The following RALGAPA1 variants were observed in gnomAD, a reference collection of about 807,000 sequenced individuals.
RALGAPA1 encodes ral GTPase-activating protein subunit alpha-1.
RALGAPA1 carries 52 observed loss-of-function variants against 269.6 expected under a neutral mutation model. That is an observed-to-expected ratio of 0.19 (90% CI 0.15 to 0.24). RALGAPA1 has a LOEUF of 0.24. Among genes scored for constraint, RALGAPA1 ranks in the 10% least tolerant of loss-of-function variants. RALGAPA1 has a pLI of 1.00. For missense variants in RALGAPA1, 1,917 were observed against 3,013.9 expected (o/e 0.64, Z 8.52); for synonymous variants, 817 against 1,008.3 (o/e 0.81, Z 3.60).
chr14:35,769,065 T>TATATATACAC (rs1237249622), intron 4 of RALGAPA1, among the ~76,000 whole-genome samples: 2 of 77,796 alleles, frequency 2.6e-5, no homozygotes, highest in African/African-American at 9.2e-5. Flanking sequence ...TATATATATA[T>TATATATACAC]ACACACACAT....
intron 10 of RALGAPA1, among the ~76,000 whole-genome samples, chr14:35,746,663 TA>T (rs1283477694): frequency 2.6e-5 from 4 of 152,014 alleles, no homozygotes; most frequent in Non-Finnish European, 5.9e-5. Context: ...TGATTCTAAA[TA>T]GAAGATCTGA....
chr14:35,689,382 T>C lies in RALGAPA1; in HGVS notation c.3029A>G (p.Glu1010Gly). The stretch of plus-strand genomic sequence containing the variant: ...ACTCATGAAGACAGCTGAGTTTGGT[T>C]CTTTCTGAAACTGTAGGTTTTCAGG... The part of the protein sequence containing the change: ...GTPENLQFQK[E>G]PNSAVFMSNI... The change falls in exon 18 of 42, where the codon GAA becomes GGA. Residue 1010 changes from glutamate to glycine, a missense_variant. Physicochemically the swap from Glu to Gly is moderately conservative, Grantham distance 98 (BLOSUM62 -2). Around this residue, in one of 11 missense-constraint regions of RALGAPA1, gnomAD observed 615 missense variants for 790.0 expected, o/e 0.78. Transcript: ENST00000680220. 8.1e-7 allele frequency: 1 copy of C among 1,232,296 alleles called. No individual in the cohort carries two copies. Among genetic ancestry groups the C allele is most frequent in the Non-Finnish European group, 1.0e-6 (1 of 988,072 alleles). 76.3% of individuals were successfully genotyped at this position (1,232,296 alleles called of 1,614,324 possible). A position where few individuals can be genotyped will look rare whatever the true frequency, so the allele number is the denominator to read the frequency against.
chr14:35,561,819 C>T lies in RALGAPA1; in HGVS notation c.7496+8798G>A, dbSNP rs568192323. Among the ~76,000 whole-genome samples, 5 of 152,016 alleles carry T rather than the reference C, an allele frequency of 3.3e-5. No homozygotes were observed. In the South Asian group the frequency reaches 8.3e-4, roughly 25 times the overall value. ...ACCTGTAATACCTAGTTACAGCCAC[C>T]GCGGCTGGCTGAATACAGGAGATTT... On this transcript the variant is annotated intron_variant, in intron 39 of 41. Coordinates refer to ENST00000680220, the MANE Select transcript of RALGAPA1 (RefSeq NM_001346249.2).
rs2062845976 is a variant in RALGAPA1, at chr14:35,651,862, A to G, written c.5619T>C (p.Ala1873=). 1 of 1,590,796 alleles carries G rather than the reference A, an allele frequency of 6.3e-7. No individual in the cohort carries two copies. The highest frequency in any genetic ancestry group is 8.5e-7 in the Non-Finnish European group (1 of 1,173,770). Residue 1873 remains alanine, a synonymous_variant, in exon 31 of 42, where the codon GCT becomes GCC. Coordinates refer to ENST00000680220, the MANE Select transcript of RALGAPA1 (RefSeq NM_001346249.2). ...TACTTGGTAAAAGATGGGTGATGGT[A>G]GCTATTAGGATCTGTAAGCAAAAAA... ...SPLKIIQILI[A]TITHLLPSTE...
At chr14:35,624,679 T>C (rs550868386) in intron 35 of RALGAPA1, among the ~76,000 whole-genome samples, 8 of 151,992 alleles carry the variant, frequency 5.3e-5, no homozygotes, top group South Asian at 2.1e-4. Flanking sequence ...GAGGAAGATA[T>C]AGAATTGTTT....
intron 16 of RALGAPA1, among the ~76,000 whole-genome samples, chr14:35,716,649 T>C (rs1285330078): frequency 6.6e-6 from 1 of 152,142 alleles, no homozygotes; most frequent in Non-Finnish European, 1.5e-5. Context: ...TTTATGTTTT[T>C]CAAACCAGGA....
At chr14:35,705,736 T>C (rs2067749570) in intron 16 of RALGAPA1, among the ~76,000 whole-genome samples, 2 of 152,204 alleles carry the variant, frequency 1.3e-5, no homozygotes, top group African/African-American at 4.8e-5. Context: ...AGAAACTACC[T>C]GTCTCCCAGT....
intron 12 of RALGAPA1, 60 bp downstream of exon 12, chr14:35,738,453 T>C: frequency 7.7e-7 from 1 of 1,298,756 alleles, no homozygotes; most frequent in East Asian, 2.6e-5. Context: ...TATACTGAAA[T>C]ACTGAACAGA....
At chr14:35,649,700 C>T (rs1369461816) in intron 31 of RALGAPA1, among the ~76,000 whole-genome samples, 2 of 152,082 alleles carry the variant, frequency 1.3e-5, no homozygotes, top group Admixed American at 1.3e-4. Context: ...ATGCCTTTCC[C>T]CAATAGTTAA....
intron 39 of RALGAPA1, among the ~76,000 whole-genome samples, chr14:35,565,518 C>A (rs1405636040): frequency 6.6e-6 from 1 of 152,014 alleles, no homozygotes; most frequent in East Asian, 1.9e-4. Context: ...ACACTGAGGT[C>A]CCCTGAGGAA....
Position 35,677,844 on chromosome 14 carries a change from T to C in RALGAPA1, c.4624+106A>G, listed in dbSNP as rs1337297223. On this transcript the variant is annotated intron_variant, in intron 22 of 41. Coordinates refer to ENST00000680220, the MANE Select transcript of RALGAPA1 (RefSeq NM_001346249.2). ...CCAAAGGACTTAGAAAAGTCCAAAA[T>C]ATTTACAATAATCATATATAATCAA... 3 of 1,100,788 alleles carry C rather than the reference T, an allele frequency of 2.7e-6. No homozygotes were observed. The African/African-American group carries it at 4.9e-5, about 18-fold the overall frequency. The allele number at this position is 1,100,788 out of a possible 1,614,324, so 68.2% of individuals were successfully genotyped here. A position where few individuals can be genotyped will look rare whatever the true frequency, so the allele number is the denominator to read the frequency against.
At chr14:35,770,558 A>C (rs2141489960) in intron 4 of RALGAPA1, among the ~76,000 whole-genome samples, 1 of 152,282 alleles carries the variant, frequency 6.6e-6, no homozygotes, top group Non-Finnish European at 1.5e-5. Flanking sequence ...AGCAAACAAT[A>C]AGTAAATAAA....
At chr14:35,666,096 A>G (rs2063908313) in intron 26 of RALGAPA1, among the ~76,000 whole-genome samples, 2 of 151,404 alleles carry the variant, frequency 1.3e-5, no homozygotes, top group Admixed American at 1.3e-4. Context: ...GCTCACTGCA[A>G]CCTCCACCTC....
intron 4 of RALGAPA1, among the ~76,000 whole-genome samples, chr14:35,770,433 A>G (rs892633411): frequency 3.3e-5 from 5 of 152,202 alleles, no homozygotes; most frequent in African/African-American, 9.6e-5. Context: ...CAGAAAAGAA[A>G]GAAAGAAGAA....
At chr14:35,617,257 G>A (rs996371982) in intron 35 of RALGAPA1, among the ~76,000 whole-genome samples, 2 of 151,852 alleles carry the variant, frequency 1.3e-5, no homozygotes, top group Non-Finnish European at 2.9e-5. Context: ...TGAGGCGGGT[G>A]GATCACCTAA....
At chr14:35,548,577 C>T in intron 40 of RALGAPA1, 39 bp from the exon 41 acceptor site, 1 of 1,389,438 alleles carries the variant, frequency 7.2e-7, no homozygotes, top group Non-Finnish European at 1.0e-6. Context: ...ATAAGGAGAG[C>T]AAGATATTAC....
At chr14:35,540,224 T>C (rs1270604775) in intron 41 of RALGAPA1, among the ~76,000 whole-genome samples, 3 of 152,118 alleles carry the variant, frequency 2.0e-5, no homozygotes, top group Non-Finnish European at 4.4e-5. Context: ...ATCATATACA[T>C]GCTAGGTATT....
At chr14:35,677,343 A>G (rs1280802427) in intron 22 of RALGAPA1, 1 of 152,678 alleles carries the variant, frequency 6.5e-6, no homozygotes, top group African/African-American at 2.4e-5. Flanking sequence ...GCATATTTGC[A>G]TATGCCATAA....
intron 38 of RALGAPA1, among the ~76,000 whole-genome samples, chr14:35,571,726 C>CCAA (rs2057217575): frequency 2.0e-5 from 3 of 151,916 alleles, no homozygotes; most frequent in African/African-American, 4.8e-5. Context: ...ACCACCACCA[C>CCAA]CAACAAAATG....
Sources: gnomAD v4.1 joint callset for allele counts (sites outside exome capture counted in the v4.1 genomes callset) on GRCh38, gnomAD v4.1.1 for gene constraint, gnomAD v4.1.1 regional missense constraint, MANE v1.5 for transcripts, NCBI Gene and HGNC (gene_info 2026-07-23, HGNC 2026-07-21) for gene names.